The following FRMPD4 variants were observed in gnomAD, a reference collection of about 807,000 sequenced individuals.
FRMPD4 encodes the protein FERM and PDZ domain-containing protein 4.
In FRMPD4, 22 loss-of-function variants were observed where a neutral mutation model predicts 94.1. The observed-to-expected ratio is 0.23, with a 90% confidence interval of 0.17 to 0.33. The LOEUF (loss-of-function observed/expected upper bound fraction) is 0.33. Among genes scored for constraint, FRMPD4 ranks in the 10% least tolerant of loss-of-function variants. FRMPD4 has a pLI of 1.00. For missense variants in FRMPD4, 1,111 were observed against 1,339.9 expected, an observed-to-expected ratio of 0.83 and a Z score of 2.67; for synonymous variants, 631 against 548.6, an observed-to-expected ratio of 1.15 and a Z score of -2.10.
rs1491368741 is a variant in FRMPD4, at chrX:12,388,850, T to TATATATATATATATAC, written c.42-109829_42-109828insTATATATATATATACA. Among the ~76,000 whole-genome samples, 146 of 73,348 alleles carry TATATATATATATATAC rather than the reference T, an allele frequency of 2.0e-3. 3 individuals are homozygous for TATATATATATATATAC. Among genetic ancestry groups the TATATATATATATATAC allele is most frequent in the African/African-American group, 8.8e-3 (136 of 15,467 alleles). The allele number at this position is 73,348 out of a possible 115,157, so 63.7% of individuals were successfully genotyped here. On this transcript the variant is annotated intron_variant, in intron 1 of 16. Coordinates refer to ENST00000675598, the MANE Select transcript of FRMPD4 (RefSeq NM_001368397.1). Reference sequence around the variant, plus strand: ...ATATATATATATATATATATATATATACACACAATGGAGTACTATTCAGCC... The same window carrying TATATATATATATATAC: ...ATATATATATATATATATATATATATATATATATATATATACACACACAATGGAGTACTATTCAGCC...
chrX:12,187,373 T>A (rs1014738), intron 1 of FRMPD4, among the ~76,000 whole-genome samples: 36,301 of 110,965 alleles, frequency 0.33, 4,616 homozygotes, highest in East Asian at 0.84. Flanking sequence ...TGAGTGTGAG[T>A]TTTTTTCCAT....
Position 12,498,696 on chromosome X carries a change from T to A in FRMPD4, c.58T>A (p.Ser20Thr). 1.7e-6 allele frequency: 2 copies of A among 1,189,947 alleles called. No individual in the cohort carries two copies. The highest frequency in any genetic ancestry group is 2.3e-6 in the Non-Finnish European group (2 of 877,308). The change falls in exon 2 of 17, where the codon TCA (serine) becomes ACA (threonine). Residue 20 changes from serine to threonine, a missense_variant. Around this residue, in one of 8 missense-constraint regions of FRMPD4, gnomAD observed 140 missense variants for 165.9 expected, o/e 0.84. Transcript: ENST00000675598. ...AKLSSHRTKS[S>T]GWPPPSGTWG... ...CTTTTCCAGCCACAGGACGAAGTCT[T>A]CAGGCTGGCCGCCTCCCTCGGGAAC...
chrX:12,345,627 A>G (rs943880723), intron 1 of FRMPD4, among the ~76,000 whole-genome samples: 4 of 111,791 alleles, frequency 3.6e-5, no homozygotes, highest in Admixed American at 9.5e-5. Context: ...GGATCAGTCT[A>G]TATTTTGTGA....
At chrX:12,492,790 C>T (rs1178734219) in intron 1 of FRMPD4, among the ~76,000 whole-genome samples, 1 of 111,743 alleles carries the variant, frequency 8.9e-6, no homozygotes, top group Admixed American at 9.5e-5. Flanking sequence ...TAATAAGGAA[C>T]AGTAGAATGA....
At chrX:12,530,600 A>C (rs926992485) in intron 2 of FRMPD4, among the ~76,000 whole-genome samples, 4 of 110,843 alleles carry the variant, frequency 3.6e-5, no homozygotes, top group Admixed American at 1.9e-4. Context: ...TGGAGATGAA[A>C]ATTTCAAAAT....
At chrX:12,151,075 G>A (rs1429717905) in intron 1 of FRMPD4, among the ~76,000 whole-genome samples, 2 of 111,034 alleles carry the variant, frequency 1.8e-5, no homozygotes, top group Non-Finnish European at 3.8e-5. Context: ...TTAAGAAAAG[G>A]GCCTATGAGA....
intron 1 of FRMPD4, among the ~76,000 whole-genome samples, chrX:12,268,095 T>G (rs1375767192): frequency 8.9e-6 from 1 of 112,555 alleles, no homozygotes; most frequent in Non-Finnish European, 1.9e-5. Context: ...TCCACCCTCC[T>G]CTACATCTGT....
chrX:12,353,911 A>G (rs1241682717), intron 1 of FRMPD4, among the ~76,000 whole-genome samples: 1 of 111,914 alleles, frequency 8.9e-6, no homozygotes, highest in Admixed American at 9.5e-5. Flanking sequence ...TTCCTTAAAC[A>G]TTCATGACAC....
intron 2 of FRMPD4, among the ~76,000 whole-genome samples, chrX:12,518,089 C>G (rs1418779065): frequency 8.9e-6 from 1 of 112,067 alleles, no homozygotes; most frequent in Non-Finnish European, 1.9e-5. Flanking sequence ...TGGTGGCCAC[C>G]CCTCCCCCTG....
At position 12,182,666 on chromosome X, in the gene FRMPD4, CT is replaced by C. The variant is rs778732113; in HGVS notation, c.41+43662del. On this transcript the variant is annotated intron_variant, in intron 1 of 16. Coordinates refer to ENST00000675598, the MANE Select transcript of FRMPD4 (RefSeq NM_001368397.1). ...TTAATAAGCTCTGCTCAAAAGCTGA[CT>C]TTTTTTTCAGATTATGGGTCAAATG... Among the ~76,000 whole-genome samples, 586 of 109,998 alleles carry C rather than the reference CT, an allele frequency of 5.3e-3. 2 individuals are homozygous for C. The highest frequency in any genetic ancestry group is 0.018 in the African/African-American group (556 of 30,269).
At chrX:12,024,314 C>A (rs953514038) in intron 3 of FRMPD4, among the ~76,000 whole-genome samples, 1 of 111,983 alleles carries the variant, frequency 8.9e-6, no homozygotes, top group African/African-American at 3.2e-5. Flanking sequence ...TGTACACACC[C>A]ACATATTCAG....
chrX:12,243,374 C>T (rs976854924), intron 1 of FRMPD4, among the ~76,000 whole-genome samples: 1 of 112,476 alleles, frequency 8.9e-6, no homozygotes, highest in Non-Finnish European at 1.9e-5. Context: ...GGATGTGTTC[C>T]AATCCAATAA....
chrX:11,955,589 A>G (rs1237191658), intron 3 of FRMPD4, among the ~76,000 whole-genome samples: 1 of 109,896 alleles, frequency 9.1e-6, no homozygotes, highest in Non-Finnish European at 1.9e-5. Context: ...AAAATACAAA[A>G]AAATTAGCTG....
At chrX:12,423,127 G>A (rs771375108) in intron 1 of FRMPD4, among the ~76,000 whole-genome samples, 1 of 110,904 alleles carries the variant, frequency 9.0e-6, no homozygotes, top group Non-Finnish European at 1.9e-5. Flanking sequence ...TCTGGCTTTG[G>A]AAGAGCAAAA....
At chrX:12,135,019 G>T (rs1299457530), upstream of FRMPD4, among the ~76,000 whole-genome samples, 1 of 112,087 alleles carries the variant, frequency 8.9e-6, no homozygotes, top group Non-Finnish European at 1.9e-5. Context: ...TGGTGACCCT[G>T]AGTCTTTTAT....
At chrX:12,707,020 C>A in intron 12 of FRMPD4, 105 bp downstream of exon 12, 1 of 442,945 alleles carries the variant, frequency 2.3e-6, no homozygotes, top group South Asian at 4.6e-5. Context: ...CTCCAGCCTT[C>A]ATTTCTAACC....
chrX:12,465,755 A>G (rs1162486521), intron 1 of FRMPD4, among the ~76,000 whole-genome samples: 5 of 112,496 alleles, frequency 4.4e-5, no homozygotes, highest in Non-Finnish European at 9.4e-5. Context: ...CCCAGAATGC[A>G]TGATTATTGC....
intron 2 of FRMPD4, among the ~76,000 whole-genome samples, chrX:12,593,994 A>G (rs112213530): frequency 0.01 from 1,163 of 111,483 alleles, 17 homozygotes; most frequent in African/African-American, 0.036. Context: ...ATTCAGAACT[A>G]CCATTTGTAT....
chrX:12,101,049 C>A (rs773152161), intron 3 of FRMPD4, among the ~76,000 whole-genome samples: 124 of 112,207 alleles, frequency 1.1e-3, no homozygotes, highest in Admixed American at 0.01. Flanking sequence ...GCAAAGACAT[C>A]CAGCATCGAG....
Sources: gnomAD v4.1 joint callset for allele counts (sites outside exome capture counted in the v4.1 genomes callset) on GRCh38, gnomAD v4.1.1 for gene constraint, gnomAD v4.1.1 regional missense constraint, MANE v1.5 for transcripts, NCBI Gene and HGNC (gene_info 2026-07-23, HGNC 2026-07-21) for gene names.